The following PHC3 variants were observed in gnomAD, a reference collection of about 807,000 sequenced individuals.
PHC3 encodes polyhomeotic-like protein 3.
Under a neutral mutation model 107.4 loss-of-function variants are expected in PHC3, and 13 were observed. That is an observed-to-expected ratio of 0.12 (90% CI 0.08 to 0.19). PHC3 has a LOEUF of 0.19. PHC3 is among the 10% of genes least tolerant of loss of function. The probability of loss-of-function intolerance (pLI) is 1.00; values close to 1 mark genes in which losing one functional copy is unlikely to be tolerated. For missense variants in PHC3, 992 were observed against 1,210.9 expected (o/e 0.82, Z 2.68); for synonymous variants, 456 against 427.4 (o/e 1.07, Z -0.83).
chr3:170,169,847 G>GTA (rs1577258417), intron 4 of PHC3: 1 of 152,070 alleles, frequency 6.6e-6, no homozygotes, highest in Non-Finnish European at 1.5e-5. Flanking sequence ...ATTTCCTTCA[G>GTA]TAGCCCACAA....
intron 4 of PHC3, among the ~76,000 whole-genome samples, chr3:170,167,899 C>A (rs1728971600): frequency 1.3e-5 from 2 of 151,972 alleles, no homozygotes; most frequent in African/African-American, 4.8e-5. Context: ...GCCTATACCA[C>A]ATAATCCCAG....
Position 170,088,189 on chromosome 3 carries a change from G to C in PHC3, c.*9041C>G, listed in dbSNP as rs1576924919. 6.6e-6 allele frequency: 1 copy of C among 152,104 alleles called. No homozygotes were observed. The highest frequency in any genetic ancestry group is 1.9e-4 in the East Asian group (1 of 5,184). The allele number at this position is 152,104 out of a possible 1,614,324, so 9.4% of individuals were successfully genotyped here. A position where few individuals can be genotyped will look rare whatever the true frequency, so the allele number is the denominator to read the frequency against. ...GATAAAAAATGTTTTCTTTCCCCTT[G>C]GTGATCTTTGTTCATCCTGGGTGGA... On this transcript the variant is annotated 3_prime_UTR_variant, in exon 15 of 15. Transcript: ENST00000495893.
At chr3:170,178,244 C>T (rs1333596740) in intron 2 of PHC3, among the ~76,000 whole-genome samples, 5 of 150,990 alleles carry the variant, frequency 3.3e-5, no homozygotes, top group Non-Finnish European at 7.4e-5. Flanking sequence ...TCCGGGTTCA[C>T]GCCATTCTCC....
chr3:170,116,202 G>A (rs1248498185), intron 10 of PHC3, among the ~76,000 whole-genome samples: 2 of 152,164 alleles, frequency 1.3e-5, no homozygotes, highest in African/African-American at 4.8e-5. Flanking sequence ...TTAGGAATGA[G>A]AAAATATATT....
At chr3:170,109,127 C>T (rs1717140017) in intron 11 of PHC3, among the ~76,000 whole-genome samples, 1 of 152,074 alleles carries the variant, frequency 6.6e-6, no homozygotes, top group Non-Finnish European at 1.5e-5. Context: ...TAGAAAACTG[C>T]CAAAACACTT....
intron 12 of PHC3, 76 bp downstream of exon 12, chr3:170,106,756 G>T: frequency 1.3e-6 from 1 of 791,306 alleles, no homozygotes. Context: ...TCCTTGGTAA[G>T]CTATTCAAGG....
In PHC3 at chr3:170,137,783, C is replaced by T. The variant is rs140081789; in HGVS notation, c.673-1118G>A. 9.0e-4 allele frequency among the ~76,000 whole-genome samples: 137 copies of T among 152,290 alleles called. 1 individual carries two copies. Among genetic ancestry groups the T allele is most frequent in the Admixed American group, 2.3e-3 (35 of 15,286 alleles). ...GCGTGGTGGCACGCACCTGTAGCCC[C>T]AGCTACTCAGAAGGCTGAGGCAGGA... On this transcript the variant is annotated intron_variant, in intron 6 of 14. Coordinates refer to ENST00000495893, the MANE Select transcript of PHC3 (RefSeq NM_024947.4).
chr3:170,113,878 C>A (rs1300844111), intron 10 of PHC3, among the ~76,000 whole-genome samples: 1 of 151,950 alleles, frequency 6.6e-6, no homozygotes, highest in African/African-American at 2.4e-5. Context: ...GTAGCTCAGT[C>A]CAACACTGAA....
In PHC3 at chr3:170,145,432, T is replaced by C; in HGVS notation, c.663A>G (p.Ala221=). ...AGCTAGACAAGCTCACCTGAGTAGC[T>C]GCAGACTGACAGGAAGATGACGATG... is the stretch of plus-strand genomic sequence containing the variant. The part of the protein sequence containing the change: ...SSSSSSSCQS[A]ATQVQNLTLR... The change falls in exon 6 of 15, where the codon GCA becomes GCG. Residue 221 remains alanine (A), a synonymous_variant. Transcript: ENST00000495893. 13 of 1,613,214 alleles carry C rather than the reference T, an allele frequency of 8.1e-6. No individual in the cohort carries two copies. Among genetic ancestry groups the C allele is most frequent in the Non-Finnish European group, 1.1e-5 (13 of 1,179,346 alleles).
At chr3:170,127,475 C>A (rs1374520926) in intron 8 of PHC3, among the ~76,000 whole-genome samples, 1 of 151,304 alleles carries the variant, frequency 6.6e-6, no homozygotes, top group East Asian at 2.0e-4. Flanking sequence ...CCAAGTTCTG[C>A]TTTTAATAAA....
intron 2 of PHC3, among the ~76,000 whole-genome samples, chr3:170,177,096 C>T (rs1730598266): frequency 6.6e-6 from 1 of 152,140 alleles, no homozygotes; most frequent in Admixed American, 6.5e-5. Context: ...CCCCCTCTGC[C>T]CCTAAGGTAT....
In PHC3 at chr3:170,094,736, TG is replaced by T. The variant is rs1209000978; in HGVS notation, c.*2493del. On this transcript the variant is annotated 3_prime_UTR_variant, in exon 15 of 15. Coordinates refer to ENST00000495893, the MANE Select transcript of PHC3 (RefSeq NM_024947.4). ...TTGAAAAAAGCAAGTGCATATTTTG[TG>T]TATGTTTTGAGTGGGGACAACAGAG... 6.6e-6 allele frequency: 1 copy of T among 152,154 alleles called. No homozygotes were observed. The highest frequency in any genetic ancestry group is 2.4e-5 in the African/African-American group (1 of 41,448). 9.4% of individuals were successfully genotyped at this position (152,154 alleles called of 1,614,324 possible). A position where few individuals can be genotyped will look rare whatever the true frequency, so the allele number is the denominator to read the frequency against.
intron 7 of PHC3, among the ~76,000 whole-genome samples, chr3:170,133,615 G>T (rs1029620587): frequency 1.3e-5 from 2 of 152,162 alleles, no homozygotes; most frequent in African/African-American, 4.8e-5. Context: ...AGGATTTTCT[G>T]CGTGGTTTGT....
intron 11 of PHC3, among the ~76,000 whole-genome samples, chr3:170,111,429 G>GA (rs1717744471): frequency 6.6e-6 from 1 of 150,552 alleles, no homozygotes; most frequent in East Asian, 2.0e-4. Flanking sequence ...AAGAAGGAAG[G>GA]AGAAAGAAAG....
At chr3:170,176,563 G>C (rs575906502) in intron 2 of PHC3, among the ~76,000 whole-genome samples, 2 of 152,314 alleles carry the variant, frequency 1.3e-5, no homozygotes, top group South Asian at 4.1e-4. Flanking sequence ...CACAAGGGCT[G>C]AAGTCTGAGA....
chr3:170,104,460 T>C (rs1305509629), intron 12 of PHC3, among the ~76,000 whole-genome samples: 2 of 152,132 alleles, frequency 1.3e-5, no homozygotes, highest in Non-Finnish European at 2.9e-5. Context: ...TTTGTAGAGA[T>C]GGGGGTCTCA....
chr3:170,103,036 C>A, intron 12 of PHC3, 102 bp from the exon 13 acceptor site: 1 of 1,114,396 alleles, frequency 9.0e-7, no homozygotes, highest in Non-Finnish European at 1.3e-6. Flanking sequence ...GTAAGTACCA[C>A]AATACATCAT....
chr3:170,172,722 G>C lies in PHC3; in HGVS notation c.181-10C>G. Reference sequence around the variant, plus strand: ...ATGCCTGTTGAATTACCTGTGATAAGTCAATTGAACCAATGTCAAACCATA... The same window carrying C: ...ATGCCTGTTGAATTACCTGTGATAACTCAATTGAACCAATGTCAAACCATA... On this transcript the variant is annotated splice_polypyrimidine_tract_variant and intron_variant, in intron 2 of 14. Coordinates refer to ENST00000495893, the MANE Select transcript of PHC3 (RefSeq NM_024947.4). The C allele has an allele frequency of 6.3e-7, 1 of 1,586,570 alleles. No homozygotes were observed. The highest frequency in any genetic ancestry group is 8.6e-7 in the Non-Finnish European group (1 of 1,162,898).
At chr3:170,142,112 A>G (rs1560086321) in intron 6 of PHC3, among the ~76,000 whole-genome samples, 1 of 152,234 alleles carries the variant, frequency 6.6e-6, no homozygotes, top group East Asian at 1.9e-4. Context: ...CTCCGAGAAT[A>G]GAGCTGAGTT....
Sources: allele counts gnomAD v4.1 joint callset (sites outside exome capture counted in the v4.1 genomes callset), GRCh38; gene constraint gnomAD v4.1.1; transcripts MANE v1.5; gene names NCBI Gene and HGNC (gene_info 2026-07-23, HGNC 2026-07-21).